TCF4: variants seen among roughly 807,000 people sequenced by gnomAD.
The protein encoded by TCF4 is SL3-3 enhancer factor 2.
A neutral mutation model predicts 82.1 loss-of-function variants in TCF4; 3 were observed. That is an observed-to-expected ratio of 0.04 (90% CI 0.02 to 0.09). TCF4 has a LOEUF of 0.09. Ranked by LOEUF, TCF4 falls within the 10% of genes least tolerant of loss-of-function variation. TCF4 has a pLI of 1.00. For missense variants in TCF4, 518 were observed against 852.7 expected, an observed-to-expected ratio of 0.61 and a Z score of 4.89; for synonymous variants, 276 against 309.6, an observed-to-expected ratio of 0.89 and a Z score of 1.14.
chr18:55,464,177 A>T (rs749398031), intron 3 of TCF4, 40 bp from the exon 4 acceptor site: 1 of 1,593,626 alleles, frequency 6.3e-7, no homozygotes, highest in East Asian at 2.2e-5. Context: ...TTCTTGCAGT[A>T]ATTTTTTCTT....
chr18:55,487,425 G>T (rs2096528861), intron 3 of TCF4, among the ~76,000 whole-genome samples: 1 of 152,178 alleles, frequency 6.6e-6, no homozygotes, highest in Admixed American at 6.5e-5. Context: ...ATGAACCAGG[G>T]TTGACACCAA....
chr18:55,293,490 A>G (rs2065614220), intron 8 of TCF4, among the ~76,000 whole-genome samples: 1 of 152,088 alleles, frequency 6.6e-6, no homozygotes, highest in Non-Finnish European at 1.5e-5. Context: ...AGAGAGCCAA[A>G]TGGCTATAAA....
chr18:55,373,679 G>A (rs938675427), intron 6 of TCF4, among the ~76,000 whole-genome samples: 1 of 152,014 alleles, frequency 6.6e-6, no homozygotes, highest in East Asian at 1.9e-4. Flanking sequence ...CCAGGTTGGT[G>A]GCACATGCTT....
intron 6 of TCF4, among the ~76,000 whole-genome samples, chr18:55,377,897 GT>G (rs1365485866): frequency 6.6e-6 from 1 of 152,090 alleles, no homozygotes; most frequent in Non-Finnish European, 1.5e-5. Context: ...CTCTAGAAAA[GT>G]TACTTTATTT....
At chr18:55,345,814 A>G (rs1288121692) in intron 8 of TCF4, among the ~76,000 whole-genome samples, 1 of 152,166 alleles carries the variant, frequency 6.6e-6, no homozygotes, top group Non-Finnish European at 1.5e-5. Flanking sequence ...TCTTAAAGAA[A>G]ATTGTATTAT....
chr18:55,514,928 A>C (rs2096866506), intron 3 of TCF4, among the ~76,000 whole-genome samples: 1 of 152,218 alleles, frequency 6.6e-6, no homozygotes, highest in Non-Finnish European at 1.5e-5. Flanking sequence ...TTATTACCAT[A>C]TAATGGTAAT....
chr18:55,365,183 A>ATATGTGTGTGTGTGTGTGTGTG (rs2086586540), intron 6 of TCF4, among the ~76,000 whole-genome samples: 2 of 106,856 alleles, frequency 1.9e-5, no homozygotes, highest in Admixed American at 1.0e-4. Context: ...ATATATATAT[A>ATATGTGTGTGTGTGTGTGTGTG]TATATATATG....
chr18:55,248,138 A>C (rs1448689748), intron 15 of TCF4, among the ~76,000 whole-genome samples: 1 of 152,226 alleles, frequency 6.6e-6, no homozygotes. Flanking sequence ...GTGAAAGCCC[A>C]AGAGGAGCAA....
At chr18:55,573,689 G>C (rs536716762) in intron 3 of TCF4, among the ~76,000 whole-genome samples, 1 of 152,128 alleles carries the variant, frequency 6.6e-6, no homozygotes, top group Admixed American at 6.5e-5. Flanking sequence ...GCTGATCTCT[G>C]AGCCCTTCCT....
At position 55,547,947 on chromosome 18, in the gene TCF4, G is replaced by A. The variant is rs190896415; in HGVS notation, c.145+37333C>T. Among the ~76,000 whole-genome samples, 6 of 151,872 alleles carry A rather than the reference G, an allele frequency of 4.0e-5. No homozygotes were observed. In the East Asian group the frequency reaches 1.2e-3, roughly 29 times the overall value. On this transcript the variant is annotated intron_variant, in intron 3 of 19. Coordinates refer to ENST00000354452, the MANE Select transcript of TCF4 (RefSeq NM_001083962.2). Reference sequence around the variant, plus strand: ...AGCACTCATATTCTTTGCAACCAGGGAGCTGAAAAGAAGTTTTGTGACCTC... The same window carrying A: ...AGCACTCATATTCTTTGCAACCAGGAAGCTGAAAAGAAGTTTTGTGACCTC...
chr18:55,632,925 A>G (rs2097732903), intron 1 of TCF4, among the ~76,000 whole-genome samples: 1 of 152,236 alleles, frequency 6.6e-6, no homozygotes, highest in Non-Finnish European at 1.5e-5. Flanking sequence ...CTCTAGGAAC[A>G]GATGTGGAAT....
intron 8 of TCF4, among the ~76,000 whole-genome samples, chr18:55,316,660 C>G (rs2074222500): frequency 6.6e-6 from 1 of 151,948 alleles, no homozygotes; most frequent in African/African-American, 2.4e-5. Flanking sequence ...TAATGCAAAC[C>G]ACATTTATAG....
At chr18:55,279,843 C>G (rs982430934) in intron 8 of TCF4, among the ~76,000 whole-genome samples, 187 bp from the exon 9 acceptor site, 10 of 152,156 alleles carry the variant, frequency 6.6e-5, no homozygotes, top group African/African-American at 2.2e-4. Flanking sequence ...GAAACAAAAG[C>G]TCGGTGTATT....
intron 6 of TCF4, among the ~76,000 whole-genome samples, chr18:55,380,242 C>G (rs1361442575): frequency 6.6e-6 from 1 of 152,018 alleles, no homozygotes; most frequent in Non-Finnish European, 1.5e-5. Flanking sequence ...AGAGAGAAGG[C>G]TGGCTAGCTC....
chr18:55,488,902 G>A (rs1279654571), intron 3 of TCF4, among the ~76,000 whole-genome samples: 1 of 152,174 alleles, frequency 6.6e-6, no homozygotes, highest in African/African-American at 2.4e-5. Flanking sequence ...TTTGACGATT[G>A]TGTGTACCTG....
At chr18:55,528,936 G>T (rs986559881) in intron 3 of TCF4, among the ~76,000 whole-genome samples, 1 of 152,038 alleles carries the variant, frequency 6.6e-6, no homozygotes, top group Non-Finnish European at 1.5e-5. Context: ...CCAGTACTTC[G>T]GGAGGCCAAG....
At chr18:55,537,529 G>A (rs1201034635) in intron 3 of TCF4, among the ~76,000 whole-genome samples, 1 of 151,646 alleles carries the variant, frequency 6.6e-6, no homozygotes, top group African/African-American at 2.4e-5. Flanking sequence ...GGGGGTCAAG[G>A]CTGCAGTGAG....
At chr18:55,602,298 C>T (rs2097697929) in intron 2 of TCF4, among the ~76,000 whole-genome samples, 1 of 152,176 alleles carries the variant, frequency 6.6e-6, no homozygotes, top group Admixed American at 6.5e-5. Context: ...GGTCAGAACC[C>T]CGGCTGTCTG....
At chr18:55,441,179 A>G (rs1158657688) in intron 5 of TCF4, among the ~76,000 whole-genome samples, 5 of 152,230 alleles carry the variant, frequency 3.3e-5, no homozygotes, top group Non-Finnish European at 7.3e-5. Flanking sequence ...CCAAATTTGC[A>G]TAACCAAATC....
Sources: gnomAD v4.1 joint callset for allele counts (sites outside exome capture counted in the v4.1 genomes callset) on GRCh38, gnomAD v4.1.1 for gene constraint, MANE v1.5 for transcripts, NCBI Gene and HGNC (gene_info 2026-07-23, HGNC 2026-07-21) for gene names.